LNPK: variants seen among roughly 807,000 people sequenced by gnomAD.
LNPK encodes endoplasmic reticulum junction formation protein lunapark.
Under a neutral mutation model 55.2 loss-of-function variants are expected in LNPK, and 29 were observed. That is an observed-to-expected ratio of 0.53 (90% CI 0.39 to 0.72). The LOEUF (loss-of-function observed/expected upper bound fraction) is 0.72. Among genes scored for constraint, LNPK ranks in the 30% least tolerant of loss-of-function variants. LNPK has a pLI of 0.00. For missense variants in LNPK, 467 were observed against 494.8 expected (o/e 0.94, Z 0.53); for synonymous variants, 162 against 168.2 (o/e 0.96, Z 0.29).
At chr2:175,948,506 C>T (rs1685254137) in intron 8 of LNPK, among the ~76,000 whole-genome samples, 1 of 151,990 alleles carries the variant, frequency 6.6e-6, no homozygotes, top group Non-Finnish European at 1.5e-5. Context: ...TGGCTCTTTA[C>T]AAAAAAAGTT....
At chr2:176,002,332 C>A (rs1038565875), upstream of LNPK, 7 of 418,386 alleles carry the variant, frequency 1.7e-5, no homozygotes, top group Admixed American at 1.9e-4. Flanking sequence ...GCGCCGCGGT[C>A]GGCGCGCGCC....
In LNPK at chr2:175,929,084, T is replaced by G. The variant is rs527501464; in HGVS notation, c.*883A>C. On this transcript the variant is annotated 3_prime_UTR_variant, in exon 13 of 13. Coordinates refer to ENST00000272748, the MANE Select transcript of LNPK (RefSeq NM_030650.3). ...GTAGCCAAGTCACCCACCAAGATAC[T>G]GTTTGAAGAAGACTAGATATTTAGC... is the stretch of plus-strand genomic sequence containing the variant. 3.0e-6 allele frequency: 3 copies of G among 984,250 alleles called. No individual in the cohort carries two copies. The Admixed American group carries it at 1.8e-4, about 61-fold the overall frequency. 61.0% of individuals were successfully genotyped at this position (984,250 alleles called of 1,614,324 possible).
At position 175,924,581 on chromosome 2, in the gene LNPK, A is replaced by C. The variant is rs1683922399; in HGVS notation, c.*5386T>G. The C allele has an allele frequency of 6.6e-6, 1 of 152,138 alleles. No homozygotes were observed. Among genetic ancestry groups the C allele is most frequent in the African/African-American group, 2.4e-5 (1 of 41,402 alleles). 9.4% of individuals were successfully genotyped at this position (152,138 alleles called of 1,614,324 possible). A position where few individuals can be genotyped will look rare whatever the true frequency, so the allele number is the denominator to read the frequency against. ...CATCCTGCATTAACAGTTGAGATCT[A>C]AGTTCTGGCTTGGCTCAGGTGCCTG... On this transcript the variant is annotated 3_prime_UTR_variant, in exon 13 of 13. Coordinates refer to ENST00000272748, the MANE Select transcript of LNPK (RefSeq NM_030650.3).
rs759556531 is a variant in LNPK at position 176,002,266 on chromosome 2, A to G, written c.-169T>C. On this transcript the variant is annotated 5_prime_UTR_variant, in exon 1 of 13. Coordinates refer to ENST00000272748, the MANE Select transcript of LNPK (RefSeq NM_030650.3). ...GGCAGCAGCCGCCACTGACAGAGAGACAAGCCGGGCCAACTCCTTCCCATG... is the reference window on the plus strand; with the variant it reads ...GGCAGCAGCCGCCACTGACAGAGAGGCAAGCCGGGCCAACTCCTTCCCATG... 688 of 449,040 alleles carry G rather than the reference A, an allele frequency of 1.5e-3. 4 individuals are homozygous for G. Among genetic ancestry groups the G allele is most frequent in the Non-Finnish European group, 4.1e-4 (93 of 224,722 alleles). 27.8% of individuals were successfully genotyped at this position (449,040 alleles called of 1,614,324 possible). A position where few individuals can be genotyped will look rare whatever the true frequency, so the allele number is the denominator to read the frequency against.
chr2:175,991,215 A>T (rs1234011262), intron 4 of LNPK, among the ~76,000 whole-genome samples: 2 of 152,176 alleles, frequency 1.3e-5, no homozygotes, highest in Non-Finnish European at 2.9e-5. Context: ...AATTTACTAA[A>T]CATCTCATAC....
chr2:175,941,512 A>C (rs1473909829), intron 9 of LNPK, among the ~76,000 whole-genome samples: 1 of 151,682 alleles, frequency 6.6e-6, no homozygotes, highest in African/African-American at 2.4e-5. Flanking sequence ...AAAAATCTTG[A>C]CCGGGTGCAG....
rs1687186156 is a variant in LNPK, at chr2:175,981,776, C to A, written c.258-1908G>T. ...TAGTTAAGCCTTGAGATGACTGTGG[C>A]CCCTACCAACAGCTTAACTGCAATT... On this transcript the variant is annotated intron_variant, in intron 4 of 12. Transcript: ENST00000272748. Among the ~76,000 whole-genome samples, 4 of 152,056 alleles carry A rather than the reference C, an allele frequency of 2.6e-5. No homozygotes were observed. In the South Asian group the frequency reaches 8.3e-4, roughly 32 times the overall value.
chr2:175,983,589 G>GA (rs1022760279), intron 4 of LNPK, among the ~76,000 whole-genome samples: 1 of 151,974 alleles, frequency 6.6e-6, no homozygotes, highest in Admixed American at 6.6e-5. Context: ...TAAGGTAAAA[G>GA]AAAAAGACCT....
At chr2:175,937,241 A>G in intron 12 of LNPK, 103 bp downstream of exon 12, 1 of 1,177,678 alleles carries the variant, frequency 8.5e-7, no homozygotes, top group Non-Finnish European at 1.2e-6. Context: ...TGCATGCAGC[A>G]AAATCTGATA....
At position 175,927,934 on chromosome 2, in the gene LNPK, A is replaced by G. The variant is rs968850276; in HGVS notation, c.*2033T>C. On this transcript the variant is annotated 3_prime_UTR_variant, in exon 13 of 13. Transcript: ENST00000272748. ...TCATACTATCTGTTTGAGTCTATCA[A>G]ATTTCTCTGAGGTACTCACTCATTT... 6.6e-6 allele frequency: 1 copy of G among 152,130 alleles called. No homozygotes were observed. The highest frequency in any genetic ancestry group is 2.4e-5 in the African/African-American group (1 of 41,432). The allele number at this position is 152,130 out of a possible 1,614,324, so 9.4% of individuals were successfully genotyped here.
At chr2:175,957,409 C>G (rs990354381) in intron 8 of LNPK, among the ~76,000 whole-genome samples, 4 of 151,750 alleles carry the variant, frequency 2.6e-5, no homozygotes, top group Non-Finnish European at 4.4e-5. Context: ...CTATGTCTTC[C>G]CATGTTCTCA....
intron 4 of LNPK, 88 bp from the exon 5 acceptor site, chr2:175,979,956 T>G (rs1687093106): frequency 8.1e-7 from 1 of 1,236,684 alleles, no homozygotes; most frequent in African/African-American, 1.5e-5. Flanking sequence ...ATATTTCCAA[T>G]TAGAGTTAGG....
At chr2:175,932,314 A>C (rs1016680854) in intron 12 of LNPK, among the ~76,000 whole-genome samples, 1 of 152,324 alleles carries the variant, frequency 6.6e-6, no homozygotes, top group Non-Finnish European at 1.5e-5. Context: ...GGAGAACTAC[A>C]ATACTGAAAT....
intron 8 of LNPK, among the ~76,000 whole-genome samples, chr2:175,950,590 A>G (rs2105575243): frequency 6.6e-6 from 1 of 152,268 alleles, no homozygotes; most frequent in South Asian, 2.1e-4. Flanking sequence ...ATTAAACAGA[A>G]GCTTAAATTA....
intron 8 of LNPK, among the ~76,000 whole-genome samples, chr2:175,954,410 A>G (rs191451476): frequency 5.9e-5 from 9 of 152,308 alleles, no homozygotes; most frequent in Non-Finnish European, 5.9e-5. Context: ...AAGGCAGATA[A>G]AGATTGCAGA....
At chr2:175,976,729 T>C (rs201607765) in intron 5 of LNPK, among the ~76,000 whole-genome samples, 1 of 152,218 alleles carries the variant, frequency 6.6e-6, no homozygotes, top group African/African-American at 2.4e-5. Flanking sequence ...CATCAGCTCT[T>C]TCTGGGTCTT....
At chr2:175,949,635 C>G (rs1258631097) in intron 8 of LNPK, among the ~76,000 whole-genome samples, 1 of 152,026 alleles carries the variant, frequency 6.6e-6, no homozygotes, top group Non-Finnish European at 1.5e-5. Flanking sequence ...TTTACTATCA[C>G]TAGTACACCA....
chr2:175,969,300 G>T (rs1490383423), intron 6 of LNPK, among the ~76,000 whole-genome samples: 3 of 152,118 alleles, frequency 2.0e-5, no homozygotes, highest in African/African-American at 7.2e-5. Context: ...TTCAACTGTT[G>T]TCAGACTTAA....
rs754356627 is a variant in LNPK at position 175,970,797 on chromosome 2, T to C, written c.324A>G (p.Ala108=). 3 of 1,413,076 alleles carry C rather than the reference T, an allele frequency of 2.1e-6. No homozygotes were observed. The highest frequency in any genetic ancestry group is 1.9e-6 in the Non-Finnish European group (2 of 1,057,914). The allele number at this position is 1,413,076 out of a possible 1,614,324, so 87.5% of individuals were successfully genotyped here. A position where few individuals can be genotyped will look rare whatever the true frequency, so the allele number is the denominator to read the frequency against. The change falls in exon 6 of 13, where the codon GCA becomes GCG. Residue 108 remains alanine, a synonymous_variant. Coordinates refer to ENST00000272748, the MANE Select transcript of LNPK (RefSeq NM_030650.3). The part of the protein sequence containing the change: ...FSKRTERNNE[A]LDDLKSQRKK... ...TCCTCTGGGATTTTAAATCATCCAA[T>C]GCTTCATCTAGAAAGCAAGATTTAA...
Sources: allele counts gnomAD v4.1 joint callset (sites outside exome capture counted in the v4.1 genomes callset), GRCh38; gene constraint gnomAD v4.1.1; transcripts MANE v1.5; gene names NCBI Gene and HGNC (gene_info 2026-07-23, HGNC 2026-07-21).